UVRAG: variants seen among roughly 807,000 people sequenced by gnomAD.
The protein encoded by UVRAG is UV radiation resistance associated.
Under a neutral mutation model 78.0 loss-of-function variants are expected in UVRAG, and 19 were observed. The observed-to-expected ratio is 0.24, with a 90% CI of 0.17 to 0.36. UVRAG has a LOEUF of 0.36. Ranked by LOEUF, UVRAG falls within the 10% of genes least tolerant of loss-of-function variation. The pLI is 1.00. For missense variants in UVRAG, 740 were observed against 853.8 expected, an observed-to-expected ratio of 0.87 and a Z score of 1.66; for synonymous variants, 323 against 324.6, an observed-to-expected ratio of 1.00 and a Z score of 0.05.
intron 6 of UVRAG, among the ~76,000 whole-genome samples, chr11:75,943,031 AAT>A (rs778760494): frequency 2.5e-4 from 38 of 152,112 alleles, no homozygotes; most frequent in Non-Finnish European, 1.5e-4. Context: ...ACTGCACTCC[AAT>A]CTGGGTGACA....
intron 8 of UVRAG, among the ~76,000 whole-genome samples, chr11:75,988,753 C>T (rs1190509451): frequency 6.6e-6 from 1 of 152,094 alleles, no homozygotes; most frequent in Non-Finnish European, 1.5e-5. Flanking sequence ...TAGATTTTAG[C>T]CATGTTAGTG....
At chr11:75,968,869 G>A (rs1199370202) in intron 7 of UVRAG, among the ~76,000 whole-genome samples, 1 of 152,184 alleles carries the variant, frequency 6.6e-6, no homozygotes, top group African/African-American at 2.4e-5. Flanking sequence ...AGTGATGTAA[G>A]AACACCTTAG....
intron 8 of UVRAG, among the ~76,000 whole-genome samples, chr11:75,991,493 C>T (rs1007437133): frequency 1.3e-5 from 2 of 152,010 alleles, no homozygotes; most frequent in Non-Finnish European, 2.9e-5. Context: ...TGTTTAATCA[C>T]TACAATAACT....
intron 13 of UVRAG, among the ~76,000 whole-genome samples, chr11:76,094,994 G>T: frequency 6.6e-6 from 1 of 152,098 alleles, no homozygotes; most frequent in African/African-American, 2.4e-5. Context: ...AAGCAGAGTT[G>T]GGAAAGAGGA....
At chr11:76,017,569 CAAT>C (rs1375265059) in intron 12 of UVRAG, among the ~76,000 whole-genome samples, 2 of 151,854 alleles carry the variant, frequency 1.3e-5, no homozygotes, top group Admixed American at 1.3e-4. Flanking sequence ...AACAGAATGA[CAAT>C]AAAGAAAACA....
intron 3 of UVRAG, among the ~76,000 whole-genome samples, chr11:75,876,218 G>C (rs750300811): frequency 3.3e-5 from 5 of 152,004 alleles, no homozygotes; most frequent in Non-Finnish European, 7.4e-5. Context: ...TTCAGTGAGA[G>C]GATTGTCTCA....
At chr11:75,865,435 T>C (rs1041753250) in intron 3 of UVRAG, among the ~76,000 whole-genome samples, 2 of 152,304 alleles carry the variant, frequency 1.3e-5, no homozygotes, top group East Asian at 3.9e-4. Flanking sequence ...ATGATGGTAA[T>C]GTTCTACGTA....
intron 1 of UVRAG, among the ~76,000 whole-genome samples, chr11:75,828,805 A>ATATATATATATATATATATTTT (rs1478310271): frequency 1.0e-5 from 1 of 100,274 alleles, no homozygotes; most frequent in Non-Finnish European, 1.9e-5. Flanking sequence ...ATATATATAT[A>ATATATATATATATATATATTTT]TTTTTTTTTT....
intron 13 of UVRAG, among the ~76,000 whole-genome samples, chr11:76,068,087 A>AG (rs1217695841): frequency 1.3e-5 from 2 of 152,216 alleles, no homozygotes; most frequent in Admixed American, 1.3e-4. Context: ...ACATGTGTAC[A>AG]GATATACACA....
intron 6 of UVRAG, among the ~76,000 whole-genome samples, chr11:75,932,826 A>T (rs1948272593): frequency 6.6e-6 from 1 of 152,238 alleles, no homozygotes; most frequent in Non-Finnish European, 1.5e-5. Context: ...AGTGAAAACT[A>T]CAAGACATTA....
intron 1 of UVRAG, among the ~76,000 whole-genome samples, chr11:75,848,652 A>G (rs909272378): frequency 3.3e-5 from 5 of 152,200 alleles, no homozygotes; most frequent in East Asian, 1.9e-4. Context: ...TGGTAATTGC[A>G]TGTGTCATAA....
Position 76,092,011 on chromosome 11 carries a change from C to T in UVRAG, c.1306-23913C>T, listed in dbSNP as rs1191805401. Among the ~76,000 whole-genome samples the T allele has an allele frequency of 4.0e-5, 6 of 151,640 alleles. No homozygotes were observed. The East Asian group carries it at 5.8e-4, about 15-fold the overall frequency. ...CCCCCGACCCCACAACAGGCCCCGG[C>T]GTGTGATATTCCCCTTCCTATGTAC... On this transcript the variant is annotated intron_variant, in intron 13 of 14. Transcript: ENST00000356136.
At chr11:75,823,335 C>T (rs968205750) in intron 1 of UVRAG, among the ~76,000 whole-genome samples, 1 of 152,128 alleles carries the variant, frequency 6.6e-6, no homozygotes, top group Non-Finnish European at 1.5e-5. Flanking sequence ...GATCTGTGCT[C>T]CCCCTTCTTG....
At chr11:76,074,099 G>C (rs1951363526) in intron 13 of UVRAG, among the ~76,000 whole-genome samples, 1 of 151,756 alleles carries the variant, frequency 6.6e-6, no homozygotes, top group Non-Finnish European at 1.5e-5. Flanking sequence ...TGCTATTTTT[G>C]GAAGAATTCA....
chr11:75,942,473 G>C (rs1294352475), intron 6 of UVRAG: 4 of 152,122 alleles, frequency 2.6e-5, no homozygotes, highest in African/African-American at 9.7e-5. Flanking sequence ...ACAAACAGCA[G>C]ATTCACAGCG....
chr11:75,907,792 G>C (rs537859328), intron 5 of UVRAG, among the ~76,000 whole-genome samples: 4 of 151,992 alleles, frequency 2.6e-5, no homozygotes, highest in African/African-American at 9.7e-5. Flanking sequence ...GCCTCCCAAA[G>C]TGCTGGTATT....
chr11:76,055,931 G>A (rs78215766), intron 12 of UVRAG, among the ~76,000 whole-genome samples: 59 of 152,100 alleles, frequency 3.9e-4, no homozygotes, highest in Non-Finnish European at 8.1e-4. Flanking sequence ...GGATGGTCTC[G>A]ATCTCCTGAC....
chr11:75,885,626 C>T (rs574839484), intron 4 of UVRAG, among the ~76,000 whole-genome samples: 1 of 152,148 alleles, frequency 6.6e-6, no homozygotes, highest in African/African-American at 2.4e-5. Context: ...TATCAAAATA[C>T]GAGGTTGTGG....
chr11:75,982,540 G>C (rs1480872624), intron 7 of UVRAG, among the ~76,000 whole-genome samples: 7 of 152,158 alleles, frequency 4.6e-5, no homozygotes, highest in Non-Finnish European at 1.5e-5. Flanking sequence ...CAGGTGGGTG[G>C]TAAAAGTCCA....
Sources: gnomAD v4.1 joint callset for allele counts (sites outside exome capture counted in the v4.1 genomes callset) on GRCh38, gnomAD v4.1.1 for gene constraint, MANE v1.5 for transcripts, NCBI Gene and HGNC (gene_info 2026-07-23, HGNC 2026-07-21) for gene names.